CACNA2D3: variants seen among roughly 807,000 people sequenced by gnomAD.
CACNA2D3 encodes voltage-dependent calcium channel subunit alpha-2/delta-3.
Under a neutral mutation model 160.6 loss-of-function variants are expected in CACNA2D3, and 60 were observed. That is an observed-to-expected ratio of 0.37 (90% CI 0.30 to 0.46). The LOEUF is 0.46. Ranked by LOEUF, CACNA2D3 falls within the 20% of genes least tolerant of loss-of-function variation. CACNA2D3 has a pLI of 1.00. For missense variants in CACNA2D3, 1,205 were observed against 1,365.0 expected, an observed-to-expected ratio of 0.88 and a Z score of 1.85; for synonymous variants, 558 against 492.9, an observed-to-expected ratio of 1.13 and a Z score of -1.75.
At chr3:54,857,309 G>T (rs146841248) in intron 17 of CACNA2D3, among the ~76,000 whole-genome samples, 8 of 152,246 alleles carry the variant, frequency 5.3e-5, no homozygotes, top group African/African-American at 1.9e-4. Flanking sequence ...TGCTGGTACT[G>T]CCCCGTTTCC....
chr3:55,073,810 C>T lies in CACNA2D3; in HGVS notation c.3134C>T (p.Ala1045Val). The part of the protein sequence containing the change: ...NESLKCERLK[A>V]QKIRRRPESC... ...TCCCTTAAGTGTGAACGTCTAAAGG[C>T]CCAGAAGATCAGAAGGCGCCCAGAA... The change falls in exon 37 of 38, where the codon GCC (alanine) becomes GTC (valine). Residue 1045 changes from alanine to valine, a missense_variant. Ala to Val is a moderately conservative substitution (Grantham distance 64). Around this residue, in one of 3 missense-constraint regions of CACNA2D3, gnomAD observed 911 missense variants for 1,002.2 expected, o/e 0.91. Transcript: ENST00000474759. 6.2e-7 allele frequency: 1 copy of T among 1,613,710 alleles called. No individual in the cohort carries two copies. Among genetic ancestry groups the T allele is most frequent in the East Asian group, 2.2e-5 (1 of 44,872 alleles).
At chr3:54,484,861 T>TG (rs1700991490) in intron 4 of CACNA2D3, among the ~76,000 whole-genome samples, 5 of 149,374 alleles carry the variant, frequency 3.3e-5, no homozygotes, top group Admixed American at 2.7e-4. Flanking sequence ...TTTTTTTTTT[T>TG]TGGGGGATGG....
chr3:54,175,987 A>T (rs1411077851), intron 2 of CACNA2D3, among the ~76,000 whole-genome samples: 1 of 152,220 alleles, frequency 6.6e-6, no homozygotes, highest in East Asian at 1.9e-4. Context: ...GGTTCAGTTA[A>T]TGAAAACTCA....
At chr3:55,056,347 A>G (rs1704360387) in intron 35 of CACNA2D3, among the ~76,000 whole-genome samples, 2 of 152,348 alleles carry the variant, frequency 1.3e-5, no homozygotes, top group South Asian at 2.1e-4. Flanking sequence ...AACTTTGTAC[A>G]CTTTTGGTGG....
In CACNA2D3 at chr3:54,416,421, C is replaced by T. The variant is rs72973121; in HGVS notation, c.381+29647C>T. Among the ~76,000 whole-genome samples the T allele has an allele frequency of 4.3e-3, 647 of 152,172 alleles. 1 individual carries two copies. The highest frequency in any genetic ancestry group is 0.015 in the African/African-American group (610 of 41,520). On this transcript the variant is annotated intron_variant, in intron 4 of 37. Transcript: ENST00000474759. ...AATATAAGCTCTGTGAGAGTAGGCA[C>T]CTGACATCTAGTAGCATGTCCACAA...
chr3:54,751,992 A>G (rs1178150151), intron 11 of CACNA2D3, among the ~76,000 whole-genome samples: 3 of 152,224 alleles, frequency 2.0e-5, no homozygotes, highest in Non-Finnish European at 2.9e-5. Context: ...GTAGAAAATA[A>G]GAAAGCCAGG....
intron 9 of CACNA2D3, among the ~76,000 whole-genome samples, chr3:54,591,770 C>T (rs1356895): frequency 0.61 from 91,907 of 151,756 alleles, 28,520 homozygotes; most frequent in African/African-American, 0.73. Context: ...TTTCTCACAT[C>T]CTTTGTGTGA....
rs1703024218 is a variant in CACNA2D3 at position 54,599,500 on chromosome 3, T to C, written c.963+17623T>C. On this transcript the variant is annotated intron_variant, in intron 9 of 37. Transcript: ENST00000474759. The stretch of plus-strand genomic sequence containing the variant: ...ACACATTAACCCACATGCTCCCCAA[T>C]TTGTATTGTGAATTCCATTAACAGG... 3.9e-5 allele frequency among the ~76,000 whole-genome samples: 6 copies of C among 152,270 alleles called. No homozygotes were observed. The South Asian group carries it at 1.2e-3, about 32-fold the overall frequency.
At chr3:54,941,574 A>G (rs947994177) in intron 27 of CACNA2D3, among the ~76,000 whole-genome samples, 1 of 152,152 alleles carries the variant, frequency 6.6e-6, no homozygotes, top group African/African-American at 2.4e-5. Flanking sequence ...GTTTTTCAAT[A>G]TCTATCATTG....
At position 54,287,026 on chromosome 3, in the gene CACNA2D3, G is replaced by A. The variant is rs1703047188; in HGVS notation, c.205-33416G>A. 8.5e-5 allele frequency among the ~76,000 whole-genome samples: 13 copies of A among 152,072 alleles called. No individual in the cohort carries two copies. In the South Asian group the frequency reaches 2.7e-3, roughly 32 times the overall value. On this transcript the variant is annotated intron_variant, in intron 2 of 37. Transcript: ENST00000474759. Reference sequence around the variant, plus strand: ...AGGAAGAAACTGCATCAACTAAAGAGCAAAATCACCAGCTAACATCATAAG... The same window carrying A: ...AGGAAGAAACTGCATCAACTAAAGAACAAAATCACCAGCTAACATCATAAG...
chr3:54,899,831 C>G lies in CACNA2D3; in HGVS notation c.2412C>G (p.Ile804Met), dbSNP rs777831872. 1.2e-6 allele frequency: 2 copies of G among 1,608,080 alleles called. No individual in the cohort carries two copies. Among genetic ancestry groups the G allele is most frequent in the Non-Finnish European group, 1.7e-6 (2 of 1,177,348 alleles). ...ATGTGGTGACAGCAAGTACATCCAT[C>G]CAGCTCCTGGATGAACGGAAATCTC... ...KSNVVTASTS[I>M]QLLDERKSPV... is the part of the protein sequence containing the mutation. Residue 804 changes from isoleucine to methionine, a missense_variant, in exon 27 of 38, where the codon ATC (isoleucine) becomes ATG (methionine). Transcript: ENST00000474759.
At chr3:54,787,701 G>T (rs1702668039) in intron 13 of CACNA2D3, among the ~76,000 whole-genome samples, 1 of 152,120 alleles carries the variant, frequency 6.6e-6, no homozygotes, top group Non-Finnish European at 1.5e-5. Flanking sequence ...GCACATTGTG[G>T]GAAGGTAAAT....
chr3:54,777,378 GA>G (rs1278267195), intron 13 of CACNA2D3, among the ~76,000 whole-genome samples: 2 of 152,138 alleles, frequency 1.3e-5, no homozygotes, highest in African/African-American at 4.8e-5. Context: ...CTCTGCTGGT[GA>G]CACATGCTCT....
At chr3:54,246,306 A>G (rs1405075834) in intron 2 of CACNA2D3, among the ~76,000 whole-genome samples, 5 of 152,182 alleles carry the variant, frequency 3.3e-5, no homozygotes, top group Non-Finnish European at 5.9e-5. Context: ...ATTGTTTTGT[A>G]AAGTCTGATC....
At chr3:54,329,876 T>C (rs1004003844) in intron 3 of CACNA2D3, among the ~76,000 whole-genome samples, 3 of 152,190 alleles carry the variant, frequency 2.0e-5, no homozygotes, top group African/African-American at 4.8e-5. Context: ...GTTGGTGGCA[T>C]TGGTTGTACT....
intron 3 of CACNA2D3, among the ~76,000 whole-genome samples, chr3:54,329,152 A>G (rs1000140193): frequency 1.1e-4 from 17 of 152,182 alleles, no homozygotes; most frequent in Non-Finnish European, 2.4e-4. Flanking sequence ...TTACATGTGT[A>G]TTAGCCATTT....
chr3:54,494,641 AAGACTTCCTTCAAC>A (rs1701174671), intron 4 of CACNA2D3, among the ~76,000 whole-genome samples: 1 of 152,170 alleles, frequency 6.6e-6, no homozygotes, highest in Non-Finnish European at 1.5e-5. Context: ...ATGGAAGATT[AAGACTTCCTTCAAC>A]AGGGTGCTGT....
At chr3:54,465,187 C>G (rs1700598628) in intron 4 of CACNA2D3, among the ~76,000 whole-genome samples, 1 of 151,460 alleles carries the variant, frequency 6.6e-6, no homozygotes. Context: ...TCTTCATTTC[C>G]AAGATTTTTT....
chr3:54,702,193 T>C (rs1700780457), intron 11 of CACNA2D3, among the ~76,000 whole-genome samples: 1 of 152,132 alleles, frequency 6.6e-6, no homozygotes, highest in Non-Finnish European at 1.5e-5. Flanking sequence ...ATTCTGGACA[T>C]AGGCCTTGGG....
Sources: allele counts gnomAD v4.1 joint callset (sites outside exome capture counted in the v4.1 genomes callset), GRCh38; gene constraint gnomAD v4.1.1; regional missense constraint gnomAD v4.1.1; transcripts MANE v1.5; gene names NCBI Gene and HGNC (gene_info 2026-07-23, HGNC 2026-07-21).